Variants in CTIF observed in about 807,000 individuals in gnomAD.
CTIF encodes the protein CBP80/20-dependent translation initiation factor.
In CTIF, 21 loss-of-function variants were observed where a neutral mutation model predicts 66.0. The ratio of observed to expected loss-of-function variants is 0.32; its 90% CI spans 0.23 to 0.46. The LOEUF is 0.46. Among genes scored for constraint, CTIF ranks in the 20% least tolerant of loss-of-function variants. The pLI is 1.00. For synonymous variants in CTIF, 345 were observed against 326.4 expected (o/e 1.06, Z -0.62); for missense variants, 739 against 812.7 (o/e 0.91, Z 1.10).
chr18:48,632,383 T>C (rs8092144), intron 2 of CTIF, among the ~76,000 whole-genome samples: 99,155 of 152,086 alleles, frequency 0.65, 33,748 homozygotes, highest in East Asian at 0.94. Flanking sequence ...TCCGGCTTTG[T>C]TGGGTCTCTG....
intron 1 of CTIF, among the ~76,000 whole-genome samples, chr18:48,549,222 A>G (rs1427492550): frequency 6.6e-6 from 1 of 152,144 alleles, no homozygotes; most frequent in Non-Finnish European, 1.5e-5. Flanking sequence ...CTTTGCTTAG[A>G]GGACGTAGGG....
At chr18:48,658,092 A>G (rs550430580) in intron 3 of CTIF, among the ~76,000 whole-genome samples, 12 of 152,240 alleles carry the variant, frequency 7.9e-5, no homozygotes, top group African/African-American at 2.6e-4. Context: ...TTCTTTGGAC[A>G]TTCGAGGGTT....
intron 9 of CTIF, among the ~76,000 whole-genome samples, chr18:48,785,143 T>G (rs1285684589): frequency 1.3e-5 from 2 of 152,224 alleles, no homozygotes; most frequent in Non-Finnish European, 2.9e-5. Flanking sequence ...CCTTCCTTCC[T>G]TCTTTCTTTC....
At chr18:48,813,532 A>G (rs1488897168) in intron 9 of CTIF, among the ~76,000 whole-genome samples, 1 of 152,160 alleles carries the variant, frequency 6.6e-6, no homozygotes, top group African/African-American at 2.4e-5. Flanking sequence ...TCAGCCTTGG[A>G]CTAGCTTGGT....
chr18:48,574,979 G>T (rs75048334), intron 1 of CTIF, among the ~76,000 whole-genome samples: 10,779 of 152,256 alleles, frequency 0.071, 470 homozygotes, highest in South Asian at 0.1. Context: ...GAGATAAAGA[G>T]TAATAGTGAT....
At chr18:48,546,970 G>A (rs2088766616) in intron 1 of CTIF, among the ~76,000 whole-genome samples, 1 of 152,148 alleles carries the variant, frequency 6.6e-6, no homozygotes, top group Non-Finnish European at 1.5e-5. Context: ...TAAAGACTTG[G>A]GGGCCAGTGT....
At chr18:48,574,107 C>T (rs1164985920) in intron 1 of CTIF, among the ~76,000 whole-genome samples, 3 of 152,254 alleles carry the variant, frequency 2.0e-5, no homozygotes, top group Admixed American at 6.5e-5. Flanking sequence ...TTTCCTGAAA[C>T]TGTCTTCCAG....
intron 3 of CTIF, chr18:48,661,840 T>C (rs1417154820): frequency 6.6e-6 from 1 of 152,206 alleles, no homozygotes; most frequent in African/African-American, 2.4e-5. Context: ...AAGTCCAGAC[T>C]GGTGAAGTGA....
intron 9 of CTIF, among the ~76,000 whole-genome samples, chr18:48,805,460 C>G (rs1042191604): frequency 3.3e-5 from 5 of 152,054 alleles, no homozygotes; most frequent in Non-Finnish European, 7.4e-5. Flanking sequence ...CAGCAAAGCC[C>G]TGAGGGGAGA....
At chr18:48,749,463 C>T (rs1379311924) in intron 7 of CTIF, among the ~76,000 whole-genome samples, 1 of 152,168 alleles carries the variant, frequency 6.6e-6, no homozygotes, top group Admixed American at 6.5e-5. Flanking sequence ...AGCCAGGCAT[C>T]CTGAGGTCTC....
intron 2 of CTIF, chr18:48,621,539 A>G (rs1421083824): frequency 2.3e-5 from 9 of 387,238 alleles, no homozygotes; most frequent in Non-Finnish European, 4.0e-5. Flanking sequence ...AAGTGAGCCT[A>G]GAGACCAGTG....
intron 6 of CTIF, among the ~76,000 whole-genome samples, chr18:48,709,077 A>G (rs1174113057): frequency 6.6e-6 from 1 of 152,232 alleles, no homozygotes; most frequent in Non-Finnish European, 1.5e-5. Flanking sequence ...TTCGGAACTC[A>G]TTTAATCCTC....
intron 1 of CTIF, among the ~76,000 whole-genome samples, chr18:48,608,131 G>A (rs925910862): frequency 6.6e-6 from 1 of 152,082 alleles, no homozygotes; most frequent in Non-Finnish European, 1.5e-5. Flanking sequence ...AGGGAGCCAG[G>A]TGAGAGTGAG....
intron 10 of CTIF, 133 bp from the exon 11 acceptor site, chr18:48,857,455 C>T (rs1568273629): frequency 1.1e-5 from 8 of 741,668 alleles, no homozygotes; most frequent in Non-Finnish European, 1.8e-5. Context: ...TCACTCTAGC[C>T]TGAACCTTGG....
intron 9 of CTIF, among the ~76,000 whole-genome samples, chr18:48,765,538 G>A (rs895545622): frequency 1.3e-5 from 2 of 152,224 alleles, no homozygotes; most frequent in Admixed American, 6.5e-5. Flanking sequence ...GATGGGAGCC[G>A]GCAGCATGGA....
chr18:48,717,166 A>G (rs895392185), intron 7 of CTIF, among the ~76,000 whole-genome samples: 9 of 152,182 alleles, frequency 5.9e-5, no homozygotes, highest in African/African-American at 2.2e-4. Context: ...TGGGAGGCTG[A>G]GACGGGCAGA....
chr18:48,614,975 A>G (rs2090372108), intron 1 of CTIF, among the ~76,000 whole-genome samples: 1 of 152,078 alleles, frequency 6.6e-6, no homozygotes, highest in African/African-American at 2.4e-5. Flanking sequence ...ATCATAGCTC[A>G]CTGTAACCTC....
rs149570380 is a variant in CTIF at position 48,666,930 on chromosome 18, T to C, written c.431+2379T>C. On this transcript the variant is annotated intron_variant, in intron 5 of 11. Coordinates refer to ENST00000256413, the MANE Select transcript of CTIF (RefSeq NM_014772.3). ...TTCAGGAAGGGGTTGTGAGCAAAGG[T>C]GATGCTTGCCCAGTGTCCTGTTGCA... 5.9e-5 allele frequency among the ~76,000 whole-genome samples: 9 copies of C among 152,222 alleles called. No homozygotes were observed. In the East Asian group the frequency reaches 1.7e-3, roughly 29 times the overall value.
At chr18:48,684,531 CTTA>C (rs1439975265) in intron 6 of CTIF, among the ~76,000 whole-genome samples, 2 of 152,134 alleles carry the variant, frequency 1.3e-5, no homozygotes, top group East Asian at 1.9e-4. Flanking sequence ...TGCTGATTTT[CTTA>C]TTATGAGAGA....
Sources: allele counts gnomAD v4.1 joint callset (sites outside exome capture counted in the v4.1 genomes callset), GRCh38; gene constraint gnomAD v4.1.1; transcripts MANE v1.5; gene names NCBI Gene and HGNC (gene_info 2026-07-23, HGNC 2026-07-21).